Variants in STRBP observed in about 807,000 individuals in gnomAD.
STRBP encodes the protein spermatid perinuclear RNA-binding protein.
Under a neutral mutation model 80.1 loss-of-function variants are expected in STRBP, and 13 were observed. The observed-to-expected ratio is 0.16, with a 90% CI of 0.11 to 0.26. The LOEUF (loss-of-function observed/expected upper bound fraction) is 0.26. Ranked by LOEUF, STRBP falls within the 10% of genes least tolerant of loss-of-function variation. The probability of loss-of-function intolerance (pLI) is 1.00; values close to 1 mark genes in which losing one functional copy is unlikely to be tolerated. For synonymous variants in STRBP, 284 were observed against 291.2 expected, an observed-to-expected ratio of 0.98 and a Z score of 0.25; for missense variants, 485 against 815.2, an observed-to-expected ratio of 0.59 and a Z score of 4.93.
chr9:123,200,988 A>G (rs1303568176), intron 2 of STRBP, among the ~76,000 whole-genome samples: 1 of 151,212 alleles, frequency 6.6e-6, no homozygotes, highest in African/African-American at 2.4e-5. Flanking sequence ...CAGGAATTTG[A>G]CCATTTCCTC....
intron 2 of STRBP, among the ~76,000 whole-genome samples, chr9:123,212,982 A>G (rs984325579): frequency 7.2e-5 from 11 of 152,232 alleles, no homozygotes; most frequent in Non-Finnish European, 1.6e-4. Context: ...AGAAAATTAA[A>G]TAAAAAAATA....
rs889237311 is a variant in STRBP, at chr9:123,221,484, C to T, written c.-165+15346G>A. 5.9e-5 allele frequency among the ~76,000 whole-genome samples: 9 copies of T among 152,320 alleles called. No individual in the cohort carries two copies. The East Asian group carries it at 1.7e-3, about 29-fold the overall frequency. ...TTATCAATTAACTGTTAAAAATCTA[C>T]ACTTTGAAAACAGGAAAATTAAAAG... is the stretch of plus-strand genomic sequence containing the variant. On this transcript the variant is annotated intron_variant, in intron 2 of 18. Coordinates refer to ENST00000348403, the MANE Select transcript of STRBP (RefSeq NM_018387.5).
chr9:123,229,592 C>G (rs894110644), intron 2 of STRBP, among the ~76,000 whole-genome samples: 1 of 152,110 alleles, frequency 6.6e-6, no homozygotes, highest in African/African-American at 2.4e-5. Context: ...GGGCAATATC[C>G]TTGAGTAGTT....
chr9:123,142,675 T>G (rs1468122804), intron 13 of STRBP, among the ~76,000 whole-genome samples: 1 of 152,154 alleles, frequency 6.6e-6, no homozygotes, highest in African/African-American at 2.4e-5. Flanking sequence ...CATGTTGAAG[T>G]CAGAATTGAG....
chr9:123,178,112 G>A (rs7035966), intron 4 of STRBP, among the ~76,000 whole-genome samples: 46,863 of 152,018 alleles, frequency 0.31, 10,587 homozygotes, highest in East Asian at 0.69. Context: ...GATTATCTTT[G>A]ATCTGAAGAT....
intron 1 of STRBP, among the ~76,000 whole-genome samples, chr9:123,245,063 AC>A (rs975508755): frequency 6.6e-6 from 1 of 152,242 alleles, no homozygotes; most frequent in African/African-American, 2.4e-5. Flanking sequence ...AAGTTTACAT[AC>A]TATATTACTT....
chr9:123,115,469 C>T lies in STRBP; in HGVS notation c.*84+460G>A. 2.2e-6 allele frequency: 1 copy of T among 446,074 alleles called. No individual in the cohort carries two copies. The highest frequency in any genetic ancestry group is 4.7e-6 in the Non-Finnish European group (1 of 211,996). The allele number at this position is 446,074 out of a possible 1,614,324, so 27.6% of individuals were successfully genotyped here. On this transcript the variant is annotated intron_variant and NMD_transcript_variant, in intron 3 of 3. Transcript: ENST00000471564. The surrounding 1 kb of genome is among the most constrained non-coding windows in gnomAD (Gnocchi z 5.0). ...GGAGGACTCTCATTCTGTTCAAATCCTCTGCACCTCTTTCTTCCCCTCCCT... is the reference window on the plus strand; with the variant it reads ...GGAGGACTCTCATTCTGTTCAAATCTTCTGCACCTCTTTCTTCCCCTCCCT...
intron 6 of STRBP, among the ~76,000 whole-genome samples, chr9:123,163,508 T>C (rs1467388993): frequency 1.3e-5 from 2 of 152,200 alleles, no homozygotes; most frequent in East Asian, 1.9e-4. Flanking sequence ...ACCGTGTTTC[T>C]TCATGCTCTG....
rs973913043 is a variant in STRBP, at chr9:123,115,913, A to C, written c.*84+16T>G. On this transcript the variant is annotated intron_variant and NMD_transcript_variant, in intron 3 of 3. Transcript: ENST00000471564. This position sits in a 1 kb window ranked among gnomAD's most constrained non-coding sequence, Gnocchi z 5.0. ...GGAACCACATACAACAAATAAATATAATCCCTTAAAAATACCTGGCAGGAG... is the reference window on the plus strand; with the variant it reads ...GGAACCACATACAACAAATAAATATCATCCCTTAAAAATACCTGGCAGGAG... 7.1e-6 allele frequency: 3 copies of C among 425,262 alleles called. No individual in the cohort carries two copies. The highest frequency in any genetic ancestry group is 6.2e-5 in the African/African-American group (3 of 48,426). 26.3% of individuals were successfully genotyped at this position (425,262 alleles called of 1,614,324 possible). A position where few individuals can be genotyped will look rare whatever the true frequency, so the allele number is the denominator to read the frequency against.
chr9:123,256,626 A>T (rs1248802040), intron 1 of STRBP, among the ~76,000 whole-genome samples: 1 of 152,212 alleles, frequency 6.6e-6, no homozygotes, highest in African/African-American at 2.4e-5. Flanking sequence ...ATGACTACTT[A>T]ATTATTCCAG....
intron 7 of STRBP, 139 bp downstream of exon 7, chr9:123,160,833 TAACTC>T: frequency 1.6e-6 from 1 of 634,574 alleles, no homozygotes; most frequent in East Asian, 3.1e-5. Flanking sequence ...ATATCTAAAT[TAACTC>T]AATTACTCCA....
At chr9:123,127,499 G>C (rs964985423) in intron 18 of STRBP, among the ~76,000 whole-genome samples, 1 of 152,170 alleles carries the variant, frequency 6.6e-6, no homozygotes, top group Non-Finnish European at 1.5e-5. Flanking sequence ...AAGTGTCTAA[G>C]AGCATATCAC....
intron 17 of STRBP, among the ~76,000 whole-genome samples, chr9:123,129,460 A>G (rs1233454469): frequency 6.6e-6 from 1 of 152,210 alleles, no homozygotes; most frequent in African/African-American, 2.4e-5. Context: ...ACAGTACCCA[A>G]AACAAATGGA....
At chr9:123,251,947 C>A (rs917928959) in intron 1 of STRBP, among the ~76,000 whole-genome samples, 1 of 152,098 alleles carries the variant, frequency 6.6e-6, no homozygotes, top group African/African-American at 2.4e-5. Context: ...CACCTGTTAA[C>A]ATGCTACACA....
chr9:123,264,136 G>A, intron 1 of STRBP, among the ~76,000 whole-genome samples: 1 of 152,178 alleles, frequency 6.6e-6, no homozygotes, highest in East Asian at 1.9e-4. Context: ...CCGAGATTGT[G>A]CTACTGCACT....
At chr9:123,158,962 G>A in intron 9 of STRBP, 134 bp downstream of exon 9, 1 of 643,466 alleles carries the variant, frequency 1.6e-6, no homozygotes, top group East Asian at 2.7e-5. Context: ...ACGCATTCTA[G>A]TTGTCAAAAT....
chr9:123,215,917 C>A (rs1386235024), intron 2 of STRBP, among the ~76,000 whole-genome samples: 1 of 152,230 alleles, frequency 6.6e-6, no homozygotes, highest in Non-Finnish European at 1.5e-5. Flanking sequence ...TAGGTCTACT[C>A]CTAATGTCTG....
chr9:123,136,083 T>C lies in STRBP; in HGVS notation c.1731A>G (p.Gly577=). 6.2e-7 allele frequency: 1 copy of C among 1,614,178 alleles called. No individual in the cohort carries two copies. Among genetic ancestry groups the C allele is most frequent in the South Asian group, 1.1e-5 (1 of 91,070 alleles). The change falls in exon 16 of 19, where the codon GGA becomes GGG. Residue 577 remains glycine, a synonymous_variant. Coordinates refer to ENST00000348403, the MANE Select transcript of STRBP (RefSeq NM_018387.5). This position sits in a 1 kb window ranked among gnomAD's most constrained non-coding sequence, Gnocchi z 4.2. ...TTTTCTTATTATTTGCCGCATTGGG[T>C]CCAGAAAACAGTTTCTCCAAGGCAG... ...ALAALEKLFS[G]PNAANNKKKK...
chr9:123,186,470 TG>T (rs1019796011), intron 2 of STRBP, among the ~76,000 whole-genome samples: 5 of 152,266 alleles, frequency 3.3e-5, no homozygotes, highest in African/African-American at 9.6e-5. Context: ...TCATTTAGCA[TG>T]GGGGGTAACT....
Sources: allele counts gnomAD v4.1 joint callset (sites outside exome capture counted in the v4.1 genomes callset), GRCh38; gene constraint gnomAD v4.1.1; non-coding constraint Gnocchi (gnomAD v3.1); transcripts MANE v1.5; gene names NCBI Gene and HGNC (gene_info 2026-07-23, HGNC 2026-07-21).